Variants in CTNNAL1 observed in about 807,000 individuals in gnomAD.
CTNNAL1 encodes alpha-catulin.
In CTNNAL1, 69 loss-of-function variants were observed where a neutral mutation model predicts 93.6. The ratio of observed to expected loss-of-function variants is 0.74; its 90% CI spans 0.61 to 0.90. The LOEUF (loss-of-function observed/expected upper bound fraction) is 0.90, where lower values mean the gene tolerates loss of function less well. Among genes scored for constraint, CTNNAL1 ranks in the 40% least tolerant of loss-of-function variants. The pLI is 0.00. For missense variants in CTNNAL1, 836 were observed against 862.0 expected (o/e 0.97, Z 0.38); for synonymous variants, 286 against 305.4 (o/e 0.94, Z 0.66).
intron 4 of CTNNAL1, among the ~76,000 whole-genome samples, chr9:108,985,610 C>T (rs983603880): frequency 6.6e-6 from 1 of 152,124 alleles, no homozygotes; most frequent in Non-Finnish European, 1.5e-5. Context: ...GCATATAACC[C>T]CAAAGCTAAT....
intron 6 of CTNNAL1, among the ~76,000 whole-genome samples, chr9:108,979,901 T>C (rs1831378581): frequency 6.6e-6 from 1 of 152,212 alleles, no homozygotes; most frequent in South Asian, 2.1e-4. Context: ...GTGTGGAAGA[T>C]GTGGGGTGTG....
chr9:108,992,884 A>C (rs1831867817), intron 2 of CTNNAL1, 65 bp from the exon 3 acceptor site: 3 of 1,494,268 alleles, frequency 2.0e-6, no homozygotes, highest in Admixed American at 4.6e-5. Context: ...ACTTCTCTCT[A>C]ACCTTGAAGG....
At chr9:109,000,384 A>C (rs1164232707) in intron 1 of CTNNAL1, among the ~76,000 whole-genome samples, 1 of 152,214 alleles carries the variant, frequency 6.6e-6, no homozygotes, top group Non-Finnish European at 1.5e-5. Flanking sequence ...TCATATCCCA[A>C]ATAAAATTCT....
chr9:109,000,249 C>T (rs908125247), intron 1 of CTNNAL1, among the ~76,000 whole-genome samples: 2 of 152,174 alleles, frequency 1.3e-5, no homozygotes, highest in African/African-American at 4.8e-5. Flanking sequence ...TTTTGAATAT[C>T]TACTATATGC....
chr9:108,993,580 ATCTTC>A (rs1410810710), intron 2 of CTNNAL1, among the ~76,000 whole-genome samples: 1 of 152,220 alleles, frequency 6.6e-6, no homozygotes, highest in Admixed American at 6.5e-5. Context: ...TAGAAAAATT[ATCTTC>A]TTCACTGTTG....
intron 1 of CTNNAL1, among the ~76,000 whole-genome samples, chr9:109,006,820 A>T (rs1299549701): frequency 1.3e-5 from 2 of 152,234 alleles, no homozygotes; most frequent in Non-Finnish European, 2.9e-5. Flanking sequence ...GGGCATGGAC[A>T]TCATTCTGCC....
At position 108,990,856 on chromosome 9, in the gene CTNNAL1, G is replaced by C; in HGVS notation, c.520-11C>G. The C allele has an allele frequency of 6.2e-7, 1 of 1,608,278 alleles. No individual in the cohort carries two copies. The highest frequency in any genetic ancestry group is 8.5e-7 in the Non-Finnish European group (1 of 1,177,902). On this transcript the variant is annotated splice_polypyrimidine_tract_variant and intron_variant, in intron 3 of 18. Transcript: ENST00000325551. ...CATAGTTGCGAGAACCTGCAAAACA[G>C]ATAATAATTCATTATTTGGTGAGAG...
Position 108,990,931 on chromosome 9 carries a change from A to G in CTNNAL1, c.520-86T>C. 5 of 1,466,844 alleles carry G rather than the reference A, an allele frequency of 3.4e-6. No homozygotes were observed. In the South Asian group the frequency reaches 7.3e-5, roughly 21 times the overall value. The allele number at this position is 1,466,844 out of a possible 1,614,324, so 90.9% of individuals were successfully genotyped here. On this transcript the variant is annotated intron_variant, in intron 3 of 18. Transcript: ENST00000325551. ...AGGCTGAGTAGAGAGAAGAAAAGGA[A>G]AATTCTGAATTCTAGGTGAAAGCTG...
chr9:108,952,385 C>T (rs1830587254), intron 13 of CTNNAL1, 22 bp from the exon 14 acceptor site: 5 of 1,614,048 alleles, frequency 3.1e-6, no homozygotes, highest in Admixed American at 1.7e-5. Context: ...ACGTTTTAAT[C>T]ACAACGACTT....
At chr9:108,947,439 G>T (rs1447947307) in intron 15 of CTNNAL1, among the ~76,000 whole-genome samples, 1 of 152,144 alleles carries the variant, frequency 6.6e-6, no homozygotes, top group African/African-American at 2.4e-5. Flanking sequence ...TCAAATCTCA[G>T]ATGTACATGG....
intron 11 of CTNNAL1, among the ~76,000 whole-genome samples, chr9:108,957,292 A>AT (rs934815862): frequency 2.7e-5 from 4 of 150,910 alleles, no homozygotes; most frequent in Admixed American, 1.3e-4. Flanking sequence ...ATTTATTTGT[A>AT]TTTTTTTTAA....
At chr9:108,972,864 G>GGGGGGGGGGGGGGGGCCCCCCCCCCCC in intron 8 of CTNNAL1, 31 bp from the exon 9 acceptor site, 5 of 142,556 alleles carry the variant, frequency 3.5e-5, no homozygotes, top group Non-Finnish European at 5.0e-5. Flanking sequence ...GGGGGGGTGG[G>GGGGGGGGGGGGGGGGCCCCCCCCCCCC]AGGGTGGAGA....
At chr9:108,966,113 C>T (rs375942864) in intron 10 of CTNNAL1, among the ~76,000 whole-genome samples, 17 of 152,202 alleles carry the variant, frequency 1.1e-4, no homozygotes, top group East Asian at 9.7e-4. Flanking sequence ...GTTGAAGCTC[C>T]GAGATACCCA....
intron 6 of CTNNAL1, among the ~76,000 whole-genome samples, chr9:108,980,909 G>T (rs1362170244): frequency 6.6e-6 from 1 of 151,966 alleles, no homozygotes; most frequent in Non-Finnish European, 1.5e-5. Flanking sequence ...TACTGATATG[G>T]TTTCATAACA....
intron 12 of CTNNAL1, among the ~76,000 whole-genome samples, chr9:108,953,652 T>G (rs190369149): frequency 6.6e-6 from 1 of 152,354 alleles, no homozygotes; most frequent in Admixed American, 6.5e-5. Context: ...GACCAACTAT[T>G]CTGTCACCAG....
At chr9:108,967,644 T>C (rs1830996594) in intron 10 of CTNNAL1, among the ~76,000 whole-genome samples, 1 of 152,202 alleles carries the variant, frequency 6.6e-6, no homozygotes, top group Admixed American at 6.5e-5. Flanking sequence ...CACAGTATTT[T>C]AAGTTAGAGA....
chr9:108,996,990 T>C (rs936636047), intron 2 of CTNNAL1, among the ~76,000 whole-genome samples: 1 of 152,182 alleles, frequency 6.6e-6, no homozygotes, highest in Non-Finnish European at 1.5e-5. Flanking sequence ...AAAATAATAA[T>C]GTTTGCCAAA....
rs1382971981 is a variant in CTNNAL1, at chr9:108,989,679, C to T, written c.639+1047G>A. On this transcript the variant is annotated intron_variant, in intron 4 of 18. Transcript: ENST00000325551. Reference sequence around the variant, plus strand: ...CACAAATACCCCAACAAGGAAAAGTCAATCCTAGACATAATATGATCTTCC... The same window carrying T: ...CACAAATACCCCAACAAGGAAAAGTTAATCCTAGACATAATATGATCTTCC... Among the ~76,000 whole-genome samples the T allele has an allele frequency of 2.0e-5, 3 of 152,192 alleles. No homozygotes were observed. In the East Asian group the frequency reaches 5.8e-4, roughly 29 times the overall value.
chr9:108,965,868 T>C (rs1830937841), intron 10 of CTNNAL1, among the ~76,000 whole-genome samples: 3 of 152,172 alleles, frequency 2.0e-5, no homozygotes, highest in South Asian at 4.1e-4. Flanking sequence ...AAGTGTACTG[T>C]ATACAGAGTA....
Sources: allele counts gnomAD v4.1 joint callset (sites outside exome capture counted in the v4.1 genomes callset), GRCh38; gene constraint gnomAD v4.1.1; transcripts MANE v1.5; gene names NCBI Gene and HGNC (gene_info 2026-07-23, HGNC 2026-07-21).